Variants in PRKCA observed in about 807,000 individuals in gnomAD.
The protein encoded by PRKCA is protein kinase C alpha type.
A neutral mutation model predicts 87.0 loss-of-function variants in PRKCA; 27 were observed. The ratio of observed to expected loss-of-function variants is 0.31; its 90% CI spans 0.23 to 0.43. The LOEUF is 0.43. PRKCA is among the 20% of genes least tolerant of loss of function. The pLI is 1.00. For synonymous variants in PRKCA, 329 were observed against 311.1 expected (o/e 1.06, Z -0.61); for missense variants, 518 against 852.3 (o/e 0.61, Z 4.88).
At chr17:66,431,539 G>A (rs58162388) in intron 2 of PRKCA, among the ~76,000 whole-genome samples, 45,801 of 151,988 alleles carry the variant, frequency 0.3, 7,313 homozygotes, top group East Asian at 0.43. Context: ...AATAAAGTTG[G>A]TTGCATCAGA....
chr17:66,318,581 G>A (rs1032052837), intron 2 of PRKCA, among the ~76,000 whole-genome samples: 2 of 152,202 alleles, frequency 1.3e-5, no homozygotes, highest in Admixed American at 6.5e-5. Flanking sequence ...TGGGTTGGGC[G>A]TGGTGGCTCA....
Position 66,807,889 on chromosome 17 carries a change from T to C in PRKCA, c.*3852T>C, listed in dbSNP as rs1427810805. The stretch of plus-strand genomic sequence containing the variant: ...CAGGGTTTGGGTGCATCCAGAAATA[T>C]GCCTGCAGTAGGAGGGAGAGGAAGG... On this transcript the variant is annotated 3_prime_UTR_variant, in exon 17 of 17. Coordinates refer to ENST00000413366, the MANE Select transcript of PRKCA (RefSeq NM_002737.3). The surrounding 1 kb of genome is among the most constrained non-coding windows in gnomAD (Gnocchi z 4.3). 6.6e-6 allele frequency: 1 copy of C among 152,224 alleles called. No individual in the cohort carries two copies. The highest frequency in any genetic ancestry group is 2.4e-5 in the African/African-American group (1 of 41,402). The allele number at this position is 152,224 out of a possible 1,614,324, so 9.4% of individuals were successfully genotyped here.
chr17:66,641,401 C>T lies in PRKCA; in HGVS notation c.335C>T (p.Pro112Leu). ...TTCAAAATCCACACTTACGGAAGCCCCACCTTCTGCGATCACTGTGGGTCA... is the reference window on the plus strand; with the variant it reads ...TTCAAAATCCACACTTACGGAAGCCTCACCTTCTGCGATCACTGTGGGTCA... ...HKFKIHTYGS[P>L]TFCDHCGSLL... The change falls in exon 4 of 17, where the codon CCC becomes CTC. Residue 112 changes from proline to leucine, a missense_variant. By Grantham distance (98) the Pro-to-Leu change is moderately conservative (BLOSUM62 -3). This residue lies in a region of PRKCA where 300 missense variants were observed against 496.8 expected (regional missense o/e 0.60). Transcript: ENST00000413366. The T allele has an allele frequency of 6.2e-7, 1 of 1,612,670 alleles. No homozygotes were observed. The highest frequency in any genetic ancestry group is 8.5e-7 in the Non-Finnish European group (1 of 1,179,184).
chr17:66,693,213 C>T (rs937849368), intron 8 of PRKCA, among the ~76,000 whole-genome samples: 1 of 152,168 alleles, frequency 6.6e-6, no homozygotes, highest in Non-Finnish European at 1.5e-5. Flanking sequence ...TGACCTTCCT[C>T]GCTGGTAGAG....
At chr17:66,802,059 A>T (rs201529798) in intron 16 of PRKCA, among the ~76,000 whole-genome samples, 2 of 152,074 alleles carry the variant, frequency 1.3e-5, no homozygotes, top group East Asian at 3.9e-4. Context: ...TGTCAATACA[A>T]AAAATGCAAA....
chr17:66,556,990 A>G (rs186877988), intron 3 of PRKCA, among the ~76,000 whole-genome samples: 1 of 152,330 alleles, frequency 6.6e-6, no homozygotes, highest in Admixed American at 6.5e-5. Context: ...ATGGAGGAGC[A>G]AATTTGCCAG....
chr17:66,391,720 AAAG>A (rs1481757341), intron 2 of PRKCA, among the ~76,000 whole-genome samples: 3 of 152,164 alleles, frequency 2.0e-5, no homozygotes, highest in Non-Finnish European at 4.4e-5. Context: ...TTCAAACAGA[AAAG>A]TTGAAAGTAC....
chr17:66,437,936 G>A (rs1913495701), intron 2 of PRKCA, among the ~76,000 whole-genome samples: 3 of 151,552 alleles, frequency 2.0e-5, no homozygotes, highest in Non-Finnish European at 1.5e-5. Context: ...GATACCAGGA[G>A]TAAATAAGTG....
intron 3 of PRKCA, among the ~76,000 whole-genome samples, chr17:66,548,786 C>T (rs891746618): frequency 6.8e-6 from 1 of 147,620 alleles, no homozygotes; most frequent in Non-Finnish European, 1.5e-5. Flanking sequence ...CCTCCTAGCG[C>T]CTACCGAATA....
intron 8 of PRKCA, among the ~76,000 whole-genome samples, chr17:66,712,699 G>T (rs2144130964): frequency 6.6e-6 from 1 of 152,290 alleles, no homozygotes; most frequent in African/African-American, 2.4e-5. Context: ...TGGCGAGGAA[G>T]TGCCACACTG....
intron 3 of PRKCA, among the ~76,000 whole-genome samples, chr17:66,569,947 A>T (rs768180470): frequency 2.0e-5 from 3 of 152,206 alleles, no homozygotes; most frequent in Non-Finnish European, 4.4e-5. Flanking sequence ...GTCATGCCCA[A>T]AATGTTCACA....
At chr17:66,449,689 C>T (rs1914212834) in intron 2 of PRKCA, among the ~76,000 whole-genome samples, 2 of 152,144 alleles carry the variant, frequency 1.3e-5, no homozygotes, top group East Asian at 3.8e-4. Context: ...AGAGGGACTA[C>T]ACAGACCAGG....
chr17:66,653,587 T>A (rs1971647427), intron 5 of PRKCA, among the ~76,000 whole-genome samples: 1 of 151,904 alleles, frequency 6.6e-6, no homozygotes. Context: ...CAAAACCCCA[T>A]CTCCAAAAAA....
intron 2 of PRKCA, among the ~76,000 whole-genome samples, chr17:66,351,847 C>T (rs781518274): frequency 1.3e-5 from 2 of 152,116 alleles, no homozygotes; most frequent in Non-Finnish European, 2.9e-5. Context: ...ATACCAGGAG[C>T]CAAGGCACTG....
chr17:66,447,928 G>A (rs1186941448), intron 2 of PRKCA, among the ~76,000 whole-genome samples: 2 of 152,186 alleles, frequency 1.3e-5, no homozygotes, highest in African/African-American at 2.4e-5. Flanking sequence ...CCAGAGCATC[G>A]TGTGTGGACC....
At chr17:66,668,035 A>G (rs144483921) in intron 5 of PRKCA, among the ~76,000 whole-genome samples, 46 of 152,338 alleles carry the variant, frequency 3.0e-4, no homozygotes, top group African/African-American at 1.1e-3. Flanking sequence ...GTTAAGAAAC[A>G]ATTATCAGTG....
intron 14 of PRKCA, among the ~76,000 whole-genome samples, chr17:66,779,158 GA>G (rs1185397992): frequency 1.3e-5 from 2 of 152,206 alleles, no homozygotes; most frequent in African/African-American, 4.8e-5. Context: ...TAAGATTAAT[GA>G]TAAAGTCGTT....
chr17:66,484,015 CAGTT>C (rs1351848673), intron 2 of PRKCA, among the ~76,000 whole-genome samples: 2 of 152,058 alleles, frequency 1.3e-5, no homozygotes, highest in Admixed American at 6.6e-5. Context: ...AATGGGCTCA[CAGTT>C]AGTTCTGCAT....
intron 13 of PRKCA, among the ~76,000 whole-genome samples, chr17:66,770,815 A>C (rs948827921): frequency 2.0e-5 from 3 of 152,120 alleles, no homozygotes; most frequent in Admixed American, 1.3e-4. Flanking sequence ...CAGTAGACCT[A>C]GGTCTCTTGG....
Sources: allele counts gnomAD v4.1 joint callset (sites outside exome capture counted in the v4.1 genomes callset), GRCh38; gene constraint gnomAD v4.1.1; regional missense constraint gnomAD v4.1.1; non-coding constraint Gnocchi (gnomAD v3.1); transcripts MANE v1.5; gene names NCBI Gene and HGNC (gene_info 2026-07-23, HGNC 2026-07-21).